The following OCA2 variants were observed in gnomAD, a reference collection of about 807,000 sequenced individuals.
OCA2 encodes P protein.
OCA2 carries 77 observed loss-of-function variants against 100.2 expected under a neutral mutation model. The ratio of observed to expected loss-of-function variants is 0.77; its 90% CI spans 0.64 to 0.93. The LOEUF is 0.93. Among genes scored for constraint, OCA2 ranks in the 40% least tolerant of loss-of-function variants. The pLI is 0.00. For synonymous variants in OCA2, 432 were observed against 439.2 expected, an observed-to-expected ratio of 0.98 and a Z score of 0.21; for missense variants, 1,062 against 1,089.1, an observed-to-expected ratio of 0.98 and a Z score of 0.35.
the OCA2 span, among the ~76,000 whole-genome samples, chr15:27,749,667 C>G: frequency 6.6e-6 from 1 of 152,012 alleles, no homozygotes. Flanking sequence ...TCTACACACA[C>G]AAATCAATCA....
the OCA2 span, among the ~76,000 whole-genome samples, chr15:27,732,902 T>C: frequency 6.6e-6 from 1 of 152,238 alleles, no homozygotes; most frequent in East Asian, 1.9e-4. Context: ...CTCAATTTGA[T>C]TGCCATTTAT....
chr15:27,888,804 T>C (rs2037336670), intron 19 of OCA2, among the ~76,000 whole-genome samples: 3 of 152,226 alleles, frequency 2.0e-5, no homozygotes, highest in Admixed American at 1.3e-4. Context: ...TGTGTGTATT[T>C]ACATGAACTA....
chr15:28,082,791 T>C (rs1461349961), intron 1 of OCA2, among the ~76,000 whole-genome samples: 1 of 152,214 alleles, frequency 6.6e-6, no homozygotes, highest in Admixed American at 6.5e-5. Context: ...ATCTATGATT[T>C]TCACATTTTT....
At chr15:28,056,505 C>A (rs903933771) in intron 2 of OCA2, among the ~76,000 whole-genome samples, 5 of 152,236 alleles carry the variant, frequency 3.3e-5, no homozygotes, top group African/African-American at 1.2e-4. Flanking sequence ...AAAACGGTTG[C>A]CCTCCCTGCT....
intron 11 of OCA2, among the ~76,000 whole-genome samples, chr15:27,988,730 CTT>C (rs2041444629): frequency 6.6e-6 from 1 of 152,194 alleles, no homozygotes; most frequent in Admixed American, 6.5e-5. Context: ...ATCTGGTACA[CTT>C]CCTCTCTTCT....
At chr15:27,987,047 G>A (rs1015003508) in intron 11 of OCA2, among the ~76,000 whole-genome samples, 9 of 152,180 alleles carry the variant, frequency 5.9e-5, no homozygotes, top group South Asian at 2.1e-4. Context: ...CTGCACCTAC[G>A]TGTCCACACA....
At chr15:28,082,407 C>T (rs1412128066) in intron 1 of OCA2, among the ~76,000 whole-genome samples, 1 of 152,190 alleles carries the variant, frequency 6.6e-6, no homozygotes, top group Non-Finnish European at 1.5e-5. Context: ...AGCTGTAACA[C>T]TCACCGGGAA....
chr15:28,001,893 G>A (rs148657242), intron 9 of OCA2, among the ~76,000 whole-genome samples: 2,270 of 152,310 alleles, frequency 0.015, 39 homozygotes, highest in Admixed American at 0.02. Context: ...CTGCAGCATC[G>A]GCTCTGCCAT....
rs191953038 is a variant in OCA2 at position 28,015,963 on chromosome 15, C to A, written c.890+141G>T. ...CTCCCACAGCCTTTGAGCTCACTGT[C>A]TACACAGCATGAGTGCCGTGTCCAA... On this transcript the variant is annotated intron_variant, in intron 8 of 23. Transcript: ENST00000354638. 626 of 730,208 alleles carry A rather than the reference C, an allele frequency of 8.6e-4. 5 individuals are homozygous for A. The African/African-American group carries it at 0.01, about 12-fold the overall frequency. The allele number at this position is 730,208 out of a possible 1,614,324, so 45.2% of individuals were successfully genotyped here.
chr15:27,805,968 G>A (rs915176174), intron 23 of OCA2, among the ~76,000 whole-genome samples: 1 of 152,366 alleles, frequency 6.6e-6, no homozygotes, highest in East Asian at 1.9e-4. Context: ...ACACCACTGC[G>A]GAGTTACAGT....
chr15:28,015,039 C>T (rs979984117), intron 8 of OCA2, 110 bp from the exon 9 acceptor site: 60 of 1,141,172 alleles, frequency 5.3e-5, no homozygotes, highest in Middle Eastern at 4.3e-4. Context: ...TTCAGCCCAA[C>T]GCCCAATCTC....
chr15:27,975,607 C>A (rs1002143429), intron 14 of OCA2, among the ~76,000 whole-genome samples: 27 of 152,266 alleles, frequency 1.8e-4, no homozygotes, highest in African/African-American at 6.0e-4. Flanking sequence ...TATGTGTGGG[C>A]CTGTATCTAC....
intron 23 of OCA2, among the ~76,000 whole-genome samples, chr15:27,832,618 G>T (rs1214584018): frequency 1.3e-5 from 2 of 152,144 alleles, no homozygotes; most frequent in Non-Finnish European, 2.9e-5. Context: ...CCACACTGGG[G>T]ATGGCTTATG....
At chr15:27,722,675 T>A in the OCA2 span, among the ~76,000 whole-genome samples, 1 of 140,928 alleles carries the variant, frequency 7.1e-6, no homozygotes, top group African/African-American at 3.0e-5. Context: ...TCCTTTCTTT[T>A]CTTTCTTTCT....
chr15:28,093,538 G>A (rs545085552), intron 1 of OCA2, among the ~76,000 whole-genome samples: 64 of 152,056 alleles, frequency 4.2e-4, no homozygotes, highest in African/African-American at 1.5e-3. Flanking sequence ...ACTCTGGAAA[G>A]CAGTTTGACA....
intron 18 of OCA2, among the ~76,000 whole-genome samples, chr15:27,928,452 T>C (rs113770815): frequency 0.016 from 2,363 of 152,284 alleles, 64 homozygotes; most frequent in African/African-American, 0.054. Context: ...AATTATATCA[T>C]GATTTTCATA....
At chr15:27,791,253 C>T (rs1229756436) in intron 23 of OCA2, among the ~76,000 whole-genome samples, 1 of 152,112 alleles carries the variant, frequency 6.6e-6, no homozygotes, top group Non-Finnish European at 1.5e-5. Flanking sequence ...CATGTATTTG[C>T]CCCAAATTGG....
intron 18 of OCA2, among the ~76,000 whole-genome samples, chr15:27,948,195 C>T (rs901917738): frequency 1.3e-5 from 2 of 152,104 alleles, no homozygotes; most frequent in Admixed American, 6.5e-5. Context: ...TAAGGTGCTG[C>T]GGAACTCCAG....
intron 23 of OCA2, among the ~76,000 whole-genome samples, chr15:27,796,420 C>G (rs974859923): frequency 2.0e-5 from 3 of 152,242 alleles, no homozygotes; most frequent in Non-Finnish European, 4.4e-5. Context: ...GCCCAGGAGA[C>G]CTGCAGGAAA....
Sources: gnomAD v4.1 joint callset for allele counts (sites outside exome capture counted in the v4.1 genomes callset) on GRCh38, gnomAD v4.1.1 for gene constraint, MANE v1.5 for transcripts, NCBI Gene and HGNC (gene_info 2026-07-23, HGNC 2026-07-21) for gene names.